Variants in PLXDC1 observed in about 807,000 individuals in gnomAD.
PLXDC1 encodes the protein plexin domain containing 1.
In PLXDC1, 39 loss-of-function variants were observed where a neutral mutation model predicts 61.3. The ratio of observed to expected loss-of-function variants is 0.64; its 90% CI spans 0.49 to 0.83. PLXDC1 has a LOEUF of 0.83. Ranked by LOEUF, PLXDC1 falls within the 40% of genes least tolerant of loss-of-function variation. The pLI is 0.00. For synonymous variants in PLXDC1, 212 were observed against 254.5 expected (o/e 0.83, Z 1.59); for missense variants, 596 against 666.5 (o/e 0.89, Z 1.17).
intron 7 of PLXDC1, among the ~76,000 whole-genome samples, chr17:39,102,697 C>T (rs796119552): frequency 1.4e-5 from 2 of 138,330 alleles, no homozygotes; most frequent in African/African-American, 5.7e-5. Flanking sequence ...ACATCGTATG[C>T]TATCAAATAC....
intron 1 of PLXDC1, among the ~76,000 whole-genome samples, chr17:39,141,377 A>C (rs8064973): frequency 3.9e-5 from 6 of 152,106 alleles, no homozygotes; most frequent in African/African-American, 1.5e-4. Context: ...TATAAATGGC[A>C]TCATACTATA....
At chr17:39,096,027 G>C (rs1168166808) in intron 7 of PLXDC1, among the ~76,000 whole-genome samples, 1 of 152,236 alleles carries the variant, frequency 6.6e-6, no homozygotes, top group African/African-American at 2.4e-5. Context: ...TTCAATGCCA[G>C]ATGCCCATGG....
chr17:39,138,709 A>G (rs1468559984), intron 2 of PLXDC1, among the ~76,000 whole-genome samples: 1 of 151,940 alleles, frequency 6.6e-6, no homozygotes, highest in Non-Finnish European at 1.5e-5. Context: ...TTATGATTTT[A>G]GCACTATTTA....
At chr17:39,097,205 C>T (rs1910241759) in intron 7 of PLXDC1, among the ~76,000 whole-genome samples, 1 of 152,180 alleles carries the variant, frequency 6.6e-6, no homozygotes, top group Non-Finnish European at 1.5e-5. Context: ...AACTCCCCTC[C>T]TCACACTGCC....
chr17:39,071,398 G>T (rs1221678324), intron 12 of PLXDC1, among the ~76,000 whole-genome samples: 1 of 152,122 alleles, frequency 6.6e-6, no homozygotes, highest in Non-Finnish European at 1.5e-5. Context: ...AACTAGGGGT[G>T]GCAAGTTTTA....
At chr17:39,092,377 C>G (rs942953271) in intron 7 of PLXDC1, among the ~76,000 whole-genome samples, 2 of 152,192 alleles carry the variant, frequency 1.3e-5, no homozygotes, top group Admixed American at 1.3e-4. Flanking sequence ...CAGGCCACAT[C>G]TCTTTACAAT....
intron 1 of PLXDC1, among the ~76,000 whole-genome samples, chr17:39,145,530 G>A (rs1597662899): frequency 6.6e-6 from 1 of 152,120 alleles, no homozygotes; most frequent in Non-Finnish European, 1.5e-5. Context: ...GCCAGGACAA[G>A]CCACCTAGAG....
chr17:39,102,534 A>G (rs1220396304), intron 7 of PLXDC1, among the ~76,000 whole-genome samples: 1 of 152,126 alleles, frequency 6.6e-6, no homozygotes, highest in Non-Finnish European at 1.5e-5. Flanking sequence ...ATTTAAAACA[A>G]CTGAAAAGTC....
At chr17:39,128,130 T>TATATACATATATAC (rs1911398905) in intron 2 of PLXDC1, among the ~76,000 whole-genome samples, 1 of 94,960 alleles carries the variant, frequency 1.1e-5, no homozygotes, top group Admixed American at 9.9e-5. Context: ...TATATATGTG[T>TATATACATATATAC]ATATATATGT....
chr17:39,067,624 T>C lies in PLXDC1; in HGVS notation c.*216A>G. On this transcript the variant is annotated 3_prime_UTR_variant, in exon 14 of 14. Transcript: ENST00000315392. ...TGCATCAAAACAGGATGAGATTAGG[T>C]TGTTGTTCCTATAAAAAATCCATGT... 2.0e-6 allele frequency: 1 copy of C among 507,262 alleles called. No homozygotes were observed. Among genetic ancestry groups the C allele is most frequent in the Non-Finnish European group, 3.5e-6 (1 of 283,786 alleles). 31.4% of individuals were successfully genotyped at this position (507,262 alleles called of 1,614,324 possible). A position where few individuals can be genotyped will look rare whatever the true frequency, so the allele number is the denominator to read the frequency against.
At chr17:39,106,226 T>A (rs1002737968) in intron 6 of PLXDC1, among the ~76,000 whole-genome samples, 19 of 151,968 alleles carry the variant, frequency 1.3e-4, no homozygotes, top group Non-Finnish European at 2.9e-5. Flanking sequence ...TTTCATTTCT[T>A]CCCTTCCCCA....
At chr17:39,114,840 T>C (rs1598203238) in intron 2 of PLXDC1, among the ~76,000 whole-genome samples, 2 of 151,930 alleles carry the variant, frequency 1.3e-5, no homozygotes, top group Admixed American at 1.3e-4. Context: ...CGGAGAAAGG[T>C]CTGGTTTCAA....
chr17:39,148,956 C>A (rs567263894), intron 1 of PLXDC1, among the ~76,000 whole-genome samples: 25 of 152,266 alleles, frequency 1.6e-4, no homozygotes, highest in East Asian at 9.6e-4. Flanking sequence ...TGGCCTCCTG[C>A]AGGACTCCCA....
At chr17:39,143,702 C>T (rs1912005317) in intron 1 of PLXDC1, among the ~76,000 whole-genome samples, 1 of 152,232 alleles carries the variant, frequency 6.6e-6, no homozygotes, top group African/African-American at 2.4e-5. Flanking sequence ...CTACTGGACC[C>T]TTGCCGGCCC....
chr17:39,140,407 G>T (rs1199001684), intron 1 of PLXDC1, among the ~76,000 whole-genome samples: 2 of 152,162 alleles, frequency 1.3e-5, no homozygotes, highest in Non-Finnish European at 2.9e-5. Flanking sequence ...CAGGGTTCAC[G>T]CCATTCTCCT....
Position 39,087,756 on chromosome 17 carries a change from G to C in PLXDC1, c.812-54C>G, listed in dbSNP as rs576214563. 2.9e-3 allele frequency: 3,858 copies of C among 1,316,494 alleles called. 9 individuals are homozygous for C. The highest frequency in any genetic ancestry group is 3.8e-3 in the Non-Finnish European group (3,473 of 924,194). The allele number at this position is 1,316,494 out of a possible 1,614,324, so 81.6% of individuals were successfully genotyped here. On this transcript the variant is annotated intron_variant, in intron 7 of 13. Coordinates refer to ENST00000315392, the MANE Select transcript of PLXDC1 (RefSeq NM_020405.5). Reference sequence around the variant, plus strand: ...GAGCATATCACAGGCAGAGGGCATCGAGGCCTCTTCCCGGACAGTCTGACA... The same window carrying C: ...GAGCATATCACAGGCAGAGGGCATCCAGGCCTCTTCCCGGACAGTCTGACA...
intron 5 of PLXDC1, chr17:39,107,815 G>A: frequency 1.8e-6 from 1 of 565,006 alleles, no homozygotes; most frequent in Non-Finnish European, 3.2e-6. Context: ...AGGAATGTCT[G>A]TTCTCCTGGA....
intron 1 of PLXDC1, among the ~76,000 whole-genome samples, chr17:39,147,188 C>A (rs2143990018): frequency 1.3e-5 from 2 of 152,248 alleles, no homozygotes; most frequent in South Asian, 2.1e-4. Flanking sequence ...GAACTCCTGA[C>A]CTTGTGATCC....
At chr17:39,101,109 C>T (rs1230714211) in intron 7 of PLXDC1, among the ~76,000 whole-genome samples, 1 of 152,214 alleles carries the variant, frequency 6.6e-6, no homozygotes, top group Non-Finnish European at 1.5e-5. Flanking sequence ...GAGTTTTCTG[C>T]TGTCGCCGCT....
Sources: allele counts gnomAD v4.1 joint callset (sites outside exome capture counted in the v4.1 genomes callset), GRCh38; gene constraint gnomAD v4.1.1; transcripts MANE v1.5; gene names NCBI Gene and HGNC (gene_info 2026-07-23, HGNC 2026-07-21).